BMPR1B: variants seen among roughly 807,000 people sequenced by gnomAD.
The protein encoded by BMPR1B is bone morphogenetic protein receptor type 1B.
In BMPR1B, 12 loss-of-function variants were observed where a neutral mutation model predicts 59.1. The observed-to-expected ratio is 0.20, with a 90% confidence interval of 0.13 to 0.33. The LOEUF (loss-of-function observed/expected upper bound fraction) is 0.33, where lower values mean the gene tolerates loss of function less well. Among genes scored for constraint, BMPR1B ranks in the 10% least tolerant of loss-of-function variants. The pLI is 1.00. For missense variants in BMPR1B, 550 were observed against 610.9 expected (o/e 0.90, Z 1.05); for synonymous variants, 237 against 207.3 (o/e 1.14, Z -1.23).
intron 3 of BMPR1B, among the ~76,000 whole-genome samples, chr4:95,027,954 G>A (rs576924019): frequency 3.9e-5 from 6 of 152,236 alleles, no homozygotes; most frequent in African/African-American, 1.4e-4. Flanking sequence ...TTATTCAATT[G>A]ATTTAACTTA....
At chr4:94,821,425 TATG>T (rs1291822396) in intron 1 of BMPR1B, among the ~76,000 whole-genome samples, 1 of 152,160 alleles carries the variant, frequency 6.6e-6, no homozygotes, top group East Asian at 1.9e-4. Flanking sequence ...CATATATAGA[TATG>T]ATATATGCAT....
rs879219666 is a variant in BMPR1B at position 95,158,441 on chromosome 4, G to GA, written c.*3775dup. On this transcript the variant is annotated 3_prime_UTR_variant, in exon 13 of 13. Transcript: ENST00000515059. The stretch of plus-strand genomic sequence containing the variant: ...ATAAAATGGCTTCATTCTCCCCTTG[G>GA]AAAAAAACATGACTGTTATGTTATA... 2 of 151,952 alleles carry GA rather than the reference G, an allele frequency of 1.3e-5. No homozygotes were observed. Among genetic ancestry groups the GA allele is most frequent in the African/African-American group, 4.8e-5 (2 of 41,426 alleles). 9.4% of individuals were successfully genotyped at this position (151,952 alleles called of 1,614,324 possible). A position where few individuals can be genotyped will look rare whatever the true frequency, so the allele number is the denominator to read the frequency against.
At chr4:95,092,975 A>G (rs1730102158) in intron 3 of BMPR1B, among the ~76,000 whole-genome samples, 2 of 152,244 alleles carry the variant, frequency 1.3e-5, no homozygotes, top group Middle Eastern at 3.4e-3. Flanking sequence ...CTGGCTTGGA[A>G]ATCTGCCAAG....
chr4:94,879,025 A>C (rs1726854262), intron 2 of BMPR1B, among the ~76,000 whole-genome samples: 1 of 152,012 alleles, frequency 6.6e-6, no homozygotes, highest in Non-Finnish European at 1.5e-5. Flanking sequence ...TTATACTTTA[A>C]GTTTTAGGGT....
chr4:94,939,926 C>T (rs998747048), intron 2 of BMPR1B, among the ~76,000 whole-genome samples: 1 of 152,158 alleles, frequency 6.6e-6, no homozygotes, highest in African/African-American at 2.4e-5. Flanking sequence ...TTTAGTTAGT[C>T]ACTGTGATCA....
chr4:95,073,146 T>C (rs575128974), intron 3 of BMPR1B, among the ~76,000 whole-genome samples: 1 of 152,336 alleles, frequency 6.6e-6, no homozygotes, highest in Admixed American at 6.5e-5. Context: ...TAGTTTTCCC[T>C]CTTTTACAGA....
At chr4:94,766,793 A>C (rs1287414909) in intron 1 of BMPR1B, among the ~76,000 whole-genome samples, 1 of 151,566 alleles carries the variant, frequency 6.6e-6, no homozygotes, top group African/African-American at 2.4e-5. Context: ...TTTCTTTTTC[A>C]CTTGACTTTA....
intron 2 of BMPR1B, among the ~76,000 whole-genome samples, chr4:94,935,512 G>A (rs1729259459): frequency 6.6e-6 from 1 of 152,102 alleles, no homozygotes; most frequent in Non-Finnish European, 1.5e-5. Context: ...CACACTTAAA[G>A]TAAACACACA....
intron 11 of BMPR1B, among the ~76,000 whole-genome samples, chr4:95,150,502 C>T (rs2149327935): frequency 6.7e-6 from 1 of 150,208 alleles, no homozygotes; most frequent in Non-Finnish European, 1.5e-5. Context: ...AAATAATATG[C>T]TTATACTTAA....
intron 3 of BMPR1B, among the ~76,000 whole-genome samples, chr4:95,069,949 A>G (rs1728147664): frequency 6.6e-6 from 1 of 152,100 alleles, no homozygotes; most frequent in Non-Finnish European, 1.5e-5. Flanking sequence ...AAAATACAAA[A>G]TTAGCCGGGC....
intron 2 of BMPR1B, among the ~76,000 whole-genome samples, chr4:94,897,941 C>CTTTTTTTTTTTTTTTTTTTTTT (rs869186341): frequency 1.1e-5 from 1 of 90,330 alleles, no homozygotes; most frequent in Non-Finnish European, 2.2e-5. Context: ...AATTCTTTTC[C>CTTTTTTTTTTTTTTTTTTTTTT]TTTTTTTTTT....
At chr4:95,046,672 T>G (rs1283669457) in intron 3 of BMPR1B, among the ~76,000 whole-genome samples, 1 of 152,178 alleles carries the variant, frequency 6.6e-6, no homozygotes, top group Non-Finnish European at 1.5e-5. Context: ...TTAGTAGTAC[T>G]CTCCATAGTG....
chr4:94,794,964 A>G (rs1723131429), intron 1 of BMPR1B, among the ~76,000 whole-genome samples: 1 of 147,298 alleles, frequency 6.8e-6, no homozygotes, highest in Admixed American at 6.7e-5. Context: ...GTCATCTGCA[A>G]AGAGGGACAA....
At chr4:94,972,449 T>C (rs1039539064) in intron 2 of BMPR1B, among the ~76,000 whole-genome samples, 15 of 152,302 alleles carry the variant, frequency 9.8e-5, no homozygotes, top group Non-Finnish European at 1.9e-4. Flanking sequence ...TTAATTTTTT[T>C]TTCATTACTT....
intron 1 of BMPR1B, among the ~76,000 whole-genome samples, chr4:94,820,330 C>T (rs758877083): frequency 1.2e-4 from 18 of 152,092 alleles, no homozygotes; most frequent in Non-Finnish European, 2.2e-4. Flanking sequence ...TAAAAGTCAC[C>T]CACAAAAAAC....
At chr4:94,969,043 G>GT (rs555508403) in intron 2 of BMPR1B, among the ~76,000 whole-genome samples, 267 of 147,392 alleles carry the variant, frequency 1.8e-3, no homozygotes, top group East Asian at 4.0e-3. Context: ...TTTTTTTGTT[G>GT]TTTTTTTTTT....
At chr4:95,058,087 A>G (rs1727066381) in intron 3 of BMPR1B, among the ~76,000 whole-genome samples, 1 of 152,148 alleles carries the variant, frequency 6.6e-6, no homozygotes, top group South Asian at 2.1e-4. Flanking sequence ...GTTCTAGGAC[A>G]TTGTTATATG....
intron 3 of BMPR1B, among the ~76,000 whole-genome samples, chr4:95,044,454 G>A (rs1725887992): frequency 6.6e-6 from 1 of 152,162 alleles, no homozygotes; most frequent in Admixed American, 6.5e-5. Context: ...AAGAAGGTCA[G>A]CCCTTATCAC....
At chr4:95,004,690 A>G (rs1210999589) in intron 3 of BMPR1B, among the ~76,000 whole-genome samples, 1 of 152,186 alleles carries the variant, frequency 6.6e-6, no homozygotes, top group Admixed American at 6.5e-5. Flanking sequence ...TAACTTCATC[A>G]GTAAATTAAT....
Sources: gnomAD v4.1 joint callset for allele counts (sites outside exome capture counted in the v4.1 genomes callset) on GRCh38, gnomAD v4.1.1 for gene constraint, MANE v1.5 for transcripts, NCBI Gene and HGNC (gene_info 2026-07-23, HGNC 2026-07-21) for gene names.